Variants in CD93 observed in about 807,000 individuals in gnomAD.
CD93 encodes complement component C1q receptor.
In CD93, 44 loss-of-function variants were observed where a neutral mutation model predicts 45.5. The ratio of observed to expected loss-of-function variants is 0.97; its 90% CI spans 0.76 to 1.24. The LOEUF (loss-of-function observed/expected upper bound fraction) is 1.24, where lower values mean the gene tolerates loss of function less well. CD93 is among the 50% of genes most tolerant of loss of function. The probability of loss-of-function intolerance (pLI) is 0.00; values close to 1 mark genes in which losing one functional copy is unlikely to be tolerated. For synonymous variants in CD93, 431 were observed against 370.8 expected (o/e 1.16, Z -1.87); for missense variants, 918 against 844.5 (o/e 1.09, Z -1.08).
chr20:23,085,364 C>T lies in CD93; in HGVS notation c.829G>A (p.Glu277Lys). ...NNGGCHQDCFEGGDGSFLCGC... is the reference protein window; with the variant it reads ...NNGGCHQDCFKGGDGSFLCGC... Reference sequence around the variant, plus strand: ...CAGAGGAAGGAGCCATCCCCCCCTTCAAAGCAGTCCTGGTGGCAGCCCCCA... The same window carrying T: ...CAGAGGAAGGAGCCATCCCCCCCTTTAAAGCAGTCCTGGTGGCAGCCCCCA... The change falls in exon 1 of 2, where the codon GAA (glutamate) becomes AAA (lysine). Residue 277 changes from glutamate to lysine, a missense_variant. Coordinates refer to ENST00000246006, the MANE Select transcript of CD93 (RefSeq NM_012072.4). 1 of 1,614,018 alleles carries T rather than the reference C, an allele frequency of 6.2e-7. No homozygotes were observed. Among genetic ancestry groups the T allele is most frequent in the Non-Finnish European group, 8.5e-7 (1 of 1,179,994 alleles).
At position 23,079,811 on chromosome 20, in the gene CD93, G is replaced by C. The variant is rs1039812391; in HGVS notation, c.*4139C>G. 12 of 151,876 alleles carry C rather than the reference G, an allele frequency of 7.9e-5. No homozygotes were observed. The highest frequency in any genetic ancestry group is 2.9e-4 in the African/African-American group (12 of 41,302). The allele number at this position is 151,876 out of a possible 1,614,324, so 9.4% of individuals were successfully genotyped here. A position where few individuals can be genotyped will look rare whatever the true frequency, so the allele number is the denominator to read the frequency against. On this transcript the variant is annotated 3_prime_UTR_variant, in exon 2 of 2. Coordinates refer to ENST00000246006, the MANE Select transcript of CD93 (RefSeq NM_012072.4). Reference sequence around the variant, plus strand: ...GCAACAGCACAATAAAGGGATTCCAGAGCTTCTACCTAAAATAGAAGGGCA... The same window carrying C: ...GCAACAGCACAATAAAGGGATTCCACAGCTTCTACCTAAAATAGAAGGGCA...
At chr20:23,084,219 C>T (rs1265392576) in intron 1 of CD93, 40 bp downstream of exon 1, 1 of 1,600,300 alleles carries the variant, frequency 6.2e-7, no homozygotes, top group South Asian at 1.1e-5. Context: ...GCCCCCATGC[C>T]TGCCCATCCC....
Position 23,085,740 on chromosome 20 carries a change from C to T in CD93, c.453G>A (p.Pro151=), listed in dbSNP as rs369490577. 17 of 1,610,616 alleles carry T rather than the reference C, an allele frequency of 1.1e-5. No individual in the cohort carries two copies. The highest frequency in any genetic ancestry group is 4.0e-5 in the African/African-American group (3 of 74,946). ...ACTTGGGGAGGCGGCTGGGAAGGAG[C>T]GGCTGGGACAGGTCCAGCAGCAGAG... ...CVSLLLDLSQ[P]LLPSRLPKWS... The change falls in exon 1 of 2, where the codon CCG becomes CCA. Residue 151 remains proline (P), a synonymous_variant. Coordinates refer to ENST00000246006, the MANE Select transcript of CD93 (RefSeq NM_012072.4).
rs1436136683 is a variant in CD93 at position 23,085,628 on chromosome 20, G to T, written c.565C>A (p.Arg189=). ...VCKFSFKGMC[R]PLALGGPGQV... ...CCTGGGCCCCCCAGGGCCAGAGGCC[G>T]GCACATGCCTTTGAAGCTGAACTTG... The change falls in exon 1 of 2, where the codon CGG becomes AGG. Residue 189 remains arginine (R), a synonymous_variant. Transcript: ENST00000246006. 3.1e-6 allele frequency: 5 copies of T among 1,612,726 alleles called. No homozygotes were observed. The highest frequency in any genetic ancestry group is 4.2e-6 in the Non-Finnish European group (5 of 1,179,788).
In CD93 at chr20:23,086,134, G is replaced by GA; in HGVS notation, c.58_59insT (p.Ala20ValfsTer6). 1 of 1,580,326 alleles carries GA rather than the reference G, an allele frequency of 6.3e-7. No homozygotes were observed. The highest frequency in any genetic ancestry group is 8.5e-7 in the Non-Finnish European group (1 of 1,170,588). ...CGCCTCCGTGTCAGCTCCCGTCCCCGCCCCGGGCTGGGTCAGGAGCAGCAG... is the reference window on the plus strand; with the variant it reads ...CGCCTCCGTGTCAGCTCCCGTCCCCGACCCCGGGCTGGGTCAGGAGCAGCAG... On this transcript the variant is annotated frameshift_variant, in exon 1 of 2. Coordinates refer to ENST00000246006, the MANE Select transcript of CD93 (RefSeq NM_012072.4). LOFTEE classifies it high-confidence loss of function.
In CD93 at chr20:23,086,323, A is replaced by T. The variant is rs984117161; in HGVS notation, c.-131T>A. 8 of 1,183,512 alleles carry T rather than the reference A, an allele frequency of 6.8e-6. No individual in the cohort carries two copies. In the African/African-American group the frequency reaches 1.2e-4, roughly 18 times the overall value. 73.3% of individuals were successfully genotyped at this position (1,183,512 alleles called of 1,614,324 possible). On this transcript the variant is annotated 5_prime_UTR_variant, in exon 1 of 2. Transcript: ENST00000246006. Reference sequence around the variant, plus strand: ...CAGCCACTCCGGCGCAGAGAAGGACACAAAGGCTGAGGGCTTTCCACGTCC... The same window carrying T: ...CAGCCACTCCGGCGCAGAGAAGGACTCAAAGGCTGAGGGCTTTCCACGTCC...
At position 23,084,591 on chromosome 20, in the gene CD93, C is replaced by A; in HGVS notation, c.1602G>T (p.Met534Ile). The A allele has an allele frequency of 1.2e-6, 2 of 1,613,102 alleles. No individual in the cohort carries two copies. The highest frequency in any genetic ancestry group is 1.7e-6 in the Non-Finnish European group (2 of 1,179,546). ...DAPITSAPLK[M>I]LAPSGSPGVW... ...CGCCTGGGGACCCACTGGGGGCCAG[C>A]ATCTTGAGTGGGGCAGATGTGATGG... Residue 534 changes from methionine (M) to isoleucine (I), a missense_variant, in exon 1 of 2, where the codon ATG becomes ATT. Coordinates refer to ENST00000246006, the MANE Select transcript of CD93 (RefSeq NM_012072.4).
In CD93 at chr20:23,085,707, C is replaced by T; in HGVS notation, c.486G>A (p.Glu162=). ...LLPSRLPKWS[E]GPCGSPGSPG... ...GGGAGCCTGGGCTCCCACAGGGGCC[C>T]TCAGACCACTTGGGGAGGCGGCTGG... Residue 162 remains glutamate, a synonymous_variant, in exon 1 of 2, where the codon GAG becomes GAA. Coordinates refer to ENST00000246006, the MANE Select transcript of CD93 (RefSeq NM_012072.4). 1 of 1,611,624 alleles carries T rather than the reference C, an allele frequency of 6.2e-7. No homozygotes were observed. Among genetic ancestry groups the T allele is most frequent in the Non-Finnish European group, 8.5e-7 (1 of 1,179,842 alleles).
Position 23,085,644 on chromosome 20 carries a change from G to T in CD93, c.549C>A (p.Ser183Arg), listed in dbSNP as rs916090808. 5.6e-6 allele frequency: 9 copies of T among 1,612,172 alleles called. No individual in the cohort carries two copies. The highest frequency in any genetic ancestry group is 3.3e-4 in the Middle Eastern group (2 of 6,074). ...CCAGAGGCCGGCACATGCCTTTGAA[G>T]CTGAACTTGCACACGAAGCCCTCAA... ...SNIEGFVCKF[S>R]FKGMCRPLAL... Residue 183 changes from serine to arginine, a missense_variant, in exon 1 of 2, where the codon AGC (serine) becomes AGA (arginine). Physicochemically the swap from Ser to Arg is moderately radical, Grantham distance 110. Coordinates refer to ENST00000246006, the MANE Select transcript of CD93 (RefSeq NM_012072.4).
chr20:23,086,025 G>A lies in CD93; in HGVS notation c.168C>T (p.Asn56=). The part of the protein sequence containing the change: ...AAEAQNHCNQ[N]GGNLATVKSK... ...TCTTCACAGTGGCCAGGTTGCCCCC[G>A]TTCTGGTTGCAGTGGTTCTGGGCCT... The change falls in exon 1 of 2, where the codon AAC becomes AAT. Residue 56 remains asparagine, a synonymous_variant. Coordinates refer to ENST00000246006, the MANE Select transcript of CD93 (RefSeq NM_012072.4). 1.9e-6 allele frequency: 3 copies of A among 1,609,910 alleles called. No individual in the cohort carries two copies. The highest frequency in any genetic ancestry group is 2.5e-6 in the Non-Finnish European group (3 of 1,179,448).
rs1985454586 is a variant in CD93, at chr20:23,085,238, G to A, written c.955C>T (p.Leu319=). ...SPCRGGATCV[L]GPHGKNYTCR... ...GTGTAGTTTTTCCCATGGGGTCCCAGGACGCACGTGGCCCCCCCACGACAT... is the reference window on the plus strand; with the variant it reads ...GTGTAGTTTTTCCCATGGGGTCCCAAGACGCACGTGGCCCCCCCACGACAT... The change falls in exon 1 of 2, where the codon CTG becomes TTG. Residue 319 remains leucine, a synonymous_variant. Transcript: ENST00000246006. 6.2e-7 allele frequency: 1 copy of A among 1,611,182 alleles called. No individual in the cohort carries two copies.
At position 23,080,229 on chromosome 20, in the gene CD93, CTG is replaced by C. The variant is rs1193638670; in HGVS notation, c.*3719_*3720del. ...CTTTCCTATGTTAGTTTTAAAAAGA[CTG>C]TGTTATTTTTAATTCAATTTTTTTT... On this transcript the variant is annotated 3_prime_UTR_variant, in exon 2 of 2. Coordinates refer to ENST00000246006, the MANE Select transcript of CD93 (RefSeq NM_012072.4). The C allele has an allele frequency of 3.3e-5, 5 of 152,572 alleles. No individual in the cohort carries two copies. The highest frequency in any genetic ancestry group is 9.7e-5 in the African/African-American group (4 of 41,440). 9.5% of individuals were successfully genotyped at this position (152,572 alleles called of 1,614,324 possible).
chr20:23,086,151 G>GAGCAGCAGA lies in CD93; in HGVS notation c.41_42insTCTGCTGCT (p.Leu13_Leu15dup), dbSNP rs767593174. ...CCGTCCCCGCCCCGGGCTGGGTCAG[G>GAGCAGCAGA]AGCAGCAGCAGCAGCAGCAGCAGGC... On this transcript the variant is annotated inframe_insertion, in exon 1 of 2. Coordinates refer to ENST00000246006, the MANE Select transcript of CD93 (RefSeq NM_012072.4). 8 of 1,569,116 alleles carry GAGCAGCAGA rather than the reference G, an allele frequency of 5.1e-6. No individual in the cohort carries two copies. The African/African-American group carries it at 1.1e-4, about 21-fold the overall frequency.
rs1398394248 is a variant in CD93, at chr20:23,082,874, T to C, written c.*1076A>G. 2 of 152,660 alleles carry C rather than the reference T, an allele frequency of 1.3e-5. No homozygotes were observed. The highest frequency in any genetic ancestry group is 2.9e-5 in the Non-Finnish European group (2 of 68,058). The allele number at this position is 152,660 out of a possible 1,614,324, so 9.5% of individuals were successfully genotyped here. On this transcript the variant is annotated 3_prime_UTR_variant, in exon 2 of 2. Transcript: ENST00000246006. ...AGGATGCTGCATCAACTGTGGACTA[T>C]GAACTGTGCTAAAATGCTTTAAAAT... is the stretch of plus-strand genomic sequence containing the variant.
At position 23,085,218 on chromosome 20, in the gene CD93, G is replaced by C; in HGVS notation, c.975C>G (p.Asn325Lys). The change falls in exon 1 of 2, where the codon AAC (asparagine) becomes AAG (lysine). Residue 325 changes from asparagine (N) to lysine (K), a missense_variant. Transcript: ENST00000246006. ...ACCCTTGGGGGCAGCGGCACGTGTA[G>C]TTTTTCCCATGGGGTCCCAGGACGC... is the stretch of plus-strand genomic sequence containing the variant. ...ATCVLGPHGK[N>K]YTCRCPQGYQ... 1 of 1,605,936 alleles carries C rather than the reference G, an allele frequency of 6.2e-7. No homozygotes were observed. The highest frequency in any genetic ancestry group is 8.5e-7 in the Non-Finnish European group (1 of 1,175,644).
chr20:23,080,590 C>A lies in CD93; in HGVS notation c.*3360G>T, dbSNP rs1985298115. 1 of 152,228 alleles carries A rather than the reference C, an allele frequency of 6.6e-6. No homozygotes were observed. Among genetic ancestry groups the A allele is most frequent in the Non-Finnish European group, 1.5e-5 (1 of 68,052 alleles). The allele number at this position is 152,228 out of a possible 1,614,324, so 9.4% of individuals were successfully genotyped here. On this transcript the variant is annotated 3_prime_UTR_variant, in exon 2 of 2. Coordinates refer to ENST00000246006, the MANE Select transcript of CD93 (RefSeq NM_012072.4). Reference sequence around the variant, plus strand: ...CCTCCACCACTGGCTAACAGACAGGCCTCCAGGTGGCCTTGCAAGGCCGAC... The same window carrying A: ...CCTCCACCACTGGCTAACAGACAGGACTCCAGGTGGCCTTGCAAGGCCGAC...
chr20:23,083,304 G>GAAA lies in CD93; in HGVS notation c.*643_*645dup, dbSNP rs1162395687. 3 of 152,290 alleles carry GAAA rather than the reference G, an allele frequency of 2.0e-5. No individual in the cohort carries two copies. Among genetic ancestry groups the GAAA allele is most frequent in the Non-Finnish European group, 4.4e-5 (3 of 68,102 alleles). The allele number at this position is 152,290 out of a possible 1,614,324, so 9.4% of individuals were successfully genotyped here. A position where few individuals can be genotyped will look rare whatever the true frequency, so the allele number is the denominator to read the frequency against. ...TTTGCAAATAAACCCAAGGCTATTA[G>GAAA]AAATGTAAGAACTAAAGAGGCACTT... is the stretch of plus-strand genomic sequence containing the variant. On this transcript the variant is annotated 3_prime_UTR_variant, in exon 2 of 2. Transcript: ENST00000246006.
rs1985484349 is a variant in CD93 at position 23,085,861 on chromosome 20, A to C, written c.332T>G (p.Leu111Arg). The C allele has an allele frequency of 1.4e-6, 2 of 1,454,318 alleles. No homozygotes were observed. Among genetic ancestry groups the C allele is most frequent in the Non-Finnish European group, 1.9e-6 (2 of 1,080,544 alleles). The allele number at this position is 1,454,318 out of a possible 1,614,324, so 90.1% of individuals were successfully genotyped here. The change falls in exon 1 of 2, where the codon CTG becomes CGG. Residue 111 changes from leucine to arginine, a missense_variant. By Grantham distance (102) the Leu-to-Arg change is moderately radical. Coordinates refer to ENST00000246006, the MANE Select transcript of CD93 (RefSeq NM_012072.4). ...CCCGCCCACCCAGCTGAAGCCCTTC[A>C]GCGGCAGACTAGGGTCCAGGCACTT... is the stretch of plus-strand genomic sequence containing the variant. ...KGKCLDPSLP[L>R]KGFSWVGGGE... is the part of the protein sequence containing the mutation.
In CD93 at chr20:23,085,497, C is replaced by T. The variant is rs1197977217; in HGVS notation, c.696G>A (p.Glu232=). ...NVACGEGDKD[E]TQSHYFLCKE... is the part of the protein sequence containing the mutation. ...TGCACAGGAAATAATGACTCTGAGTCTCGTCCTTGTCACCTTCCCCACAGG... is the reference window on the plus strand; with the variant it reads ...TGCACAGGAAATAATGACTCTGAGTTTCGTCCTTGTCACCTTCCCCACAGG... Residue 232 remains glutamate, a synonymous_variant, in exon 1 of 2, where the codon GAG becomes GAA. Transcript: ENST00000246006. The T allele has an allele frequency of 6.2e-7, 1 of 1,613,950 alleles. No individual in the cohort carries two copies. Among genetic ancestry groups the T allele is most frequent in the Non-Finnish European group, 8.5e-7 (1 of 1,180,042 alleles).
Sources: gnomAD v4.1 joint callset for allele counts on GRCh38, gnomAD v4.1.1 for gene constraint, MANE v1.5 for transcripts, NCBI Gene and HGNC (gene_info 2026-07-23, HGNC 2026-07-21) for gene names.